Variants in SLC37A3 observed in about 807,000 individuals in gnomAD.
SLC37A3 encodes sugar phosphate exchanger 3.
A neutral mutation model predicts 67.1 loss-of-function variants in SLC37A3; 51 were observed. The ratio of observed to expected loss-of-function variants is 0.76; its 90% CI spans 0.61 to 0.96. The LOEUF (loss-of-function observed/expected upper bound fraction) is 0.96, where lower values mean the gene tolerates loss of function less well. Ranked by LOEUF, SLC37A3 falls within the 40% of genes least tolerant of loss-of-function variation. SLC37A3 has a pLI of 0.00. For synonymous variants in SLC37A3, 214 were observed against 231.4 expected, an observed-to-expected ratio of 0.92 and a Z score of 0.68; for missense variants, 508 against 603.0, an observed-to-expected ratio of 0.84 and a Z score of 1.65.
intron 1 of SLC37A3, among the ~76,000 whole-genome samples, chr7:140,389,671 T>G (rs1798648018): frequency 6.6e-6 from 1 of 152,188 alleles, no homozygotes; most frequent in Non-Finnish European, 1.5e-5. Flanking sequence ...GCGGTTACAA[T>G]AGTGCGCAAT....
intron 11 of SLC37A3, 88 bp from the exon 12 acceptor site, chr7:140,345,351 C>T (rs950919852): frequency 1.0e-5 from 10 of 955,078 alleles, no homozygotes; most frequent in East Asian, 2.5e-5. Flanking sequence ...TCTGAATCTC[C>T]GTGACCTCAC....
intron 1 of SLC37A3, among the ~76,000 whole-genome samples, chr7:140,388,195 G>C (rs1038756150): frequency 2.6e-5 from 4 of 151,778 alleles, no homozygotes; most frequent in African/African-American, 9.7e-5. Flanking sequence ...TAATTTGGGA[G>C]GTCGAGGTGG....
At chr7:140,382,245 A>G (rs1178839590) in intron 2 of SLC37A3, among the ~76,000 whole-genome samples, 193 bp downstream of exon 2, 5 of 151,996 alleles carry the variant, frequency 3.3e-5, no homozygotes. Flanking sequence ...ACTATCTTAG[A>G]CACCGCCAAA....
chr7:140,372,517 C>A (rs1797860829), intron 3 of SLC37A3, among the ~76,000 whole-genome samples: 1 of 152,180 alleles, frequency 6.6e-6, no homozygotes, highest in African/African-American at 2.4e-5. Flanking sequence ...TAGTGATCAC[C>A]ATATTGCTCA....
Position 140,335,296 on chromosome 7 carries a change from C to T in SLC37A3, c.*116G>A, listed in dbSNP as rs143648898. The T allele has an allele frequency of 1.3e-4, 212 of 1,614,088 alleles. No individual in the cohort carries two copies. The South Asian group carries it at 1.5e-3, about 12-fold the overall frequency. On this transcript the variant is annotated 3_prime_UTR_variant, in exon 15 of 15. Coordinates refer to ENST00000326232, the MANE Select transcript of SLC37A3 (RefSeq NM_207113.3). ...TCAGGTGGCTGGCAGTGTTGAGAGA[C>T]GCCTGACAATCCAAGATCAGGCTGG...
rs2117047527 is a variant in SLC37A3, at chr7:140,345,978, CAG to C, written c.1025-10_1025-9del. 6.2e-7 allele frequency: 1 copy of C among 1,606,284 alleles called. No individual in the cohort carries two copies. The highest frequency in any genetic ancestry group is 8.5e-7 in the Non-Finnish European group (1 of 1,173,114). On this transcript the variant is annotated splice_polypyrimidine_tract_variant and intron_variant, in intron 10 of 14. Transcript: ENST00000326232. ...AGCCTTGCAAAGTTCCACCTTCAAG[CAG>C]AGTGTCGAGCAATCAAAATCACTTC...
chr7:140,344,476 C>G (rs188914136), intron 12 of SLC37A3, among the ~76,000 whole-genome samples: 6 of 152,178 alleles, frequency 3.9e-5, no homozygotes, highest in Admixed American at 1.3e-4. Context: ...ATTTTTCTGG[C>G]TGGGGATGGT....
rs531813234 is a variant in SLC37A3 at position 140,382,480 on chromosome 7, A to G, written c.47T>C (p.Phe16Ser). ...GAACACTACAACATGATGATGGCTG[A>G]ACTGGGACAGCAGAGACCCTCTTTG... ...VFQRGSLLSQFSHHHVVVFLL... is the reference protein window; with the variant it reads ...VFQRGSLLSQSSHHHVVVFLL... Residue 16 changes from phenylalanine (F) to serine (S), a missense_variant, in exon 2 of 15, where the codon TTC becomes TCC. Physicochemically the swap from Phe to Ser is radical, Grantham distance 155. Transcript: ENST00000326232. 1 of 1,614,170 alleles carries G rather than the reference A, an allele frequency of 6.2e-7. No individual in the cohort carries two copies. The highest frequency in any genetic ancestry group is 8.5e-7 in the Non-Finnish European group (1 of 1,180,010).
intron 5 of SLC37A3, 38 bp downstream of exon 5, chr7:140,364,370 C>A (rs1303064396): frequency 1.3e-6 from 2 of 1,575,158 alleles, no homozygotes; most frequent in South Asian, 2.3e-5. Context: ...TTCTAAAATA[C>A]CTGACCAAAA....
intron 5 of SLC37A3, among the ~76,000 whole-genome samples, chr7:140,359,751 T>C (rs192953538): frequency 6.6e-6 from 1 of 152,268 alleles, no homozygotes; most frequent in East Asian, 1.9e-4. Context: ...CAAGACATTC[T>C]GGAATAAGTA....
intron 4 of SLC37A3, among the ~76,000 whole-genome samples, chr7:140,369,133 C>G (rs1005383068): frequency 5.9e-5 from 9 of 152,122 alleles, no homozygotes; most frequent in African/African-American, 1.2e-4. Context: ...CCAAGCACAC[C>G]GACTCGCTCA....
At chr7:140,396,901 T>G (rs886822229) in intron 1 of SLC37A3, among the ~76,000 whole-genome samples, 2 of 148,820 alleles carry the variant, frequency 1.3e-5, no homozygotes, top group African/African-American at 4.9e-5. Context: ...TTTGTTTTTT[T>G]TTTTTTGACA....
chr7:140,352,925 A>G (rs1796871972), intron 7 of SLC37A3, among the ~76,000 whole-genome samples: 1 of 152,114 alleles, frequency 6.6e-6, no homozygotes. Flanking sequence ...TGTTTCCAGA[A>G]GTCAAATCTG....
In SLC37A3 at chr7:140,352,127, G is replaced by A. The variant is rs761838573; in HGVS notation, c.638C>T (p.Ala213Val). The part of the protein sequence containing the change: ...YGYEYAFLVT[A>V]SVQFAGGIVI... ...GATCCCACCAGCAAACTGCACAGAC[G>A]CCGTCACCAGAAAGGCATACTGGAG... The change falls in exon 8 of 15, where the codon GCG (alanine) becomes GTG (valine). Residue 213 changes from alanine (A) to valine (V), a missense_variant. Ala to Val is a moderately conservative substitution (Grantham distance 64). Coordinates refer to ENST00000326232, the MANE Select transcript of SLC37A3 (RefSeq NM_207113.3). The A allele has an allele frequency of 6.3e-5, 101 of 1,612,910 alleles. No homozygotes were observed. The highest frequency in any genetic ancestry group is 8.1e-5 in the Non-Finnish European group (95 of 1,179,774).
chr7:140,334,822 G>C lies in SLC37A3; in HGVS notation c.*590C>G, dbSNP rs10244212. 0.017 allele frequency: 3,093 copies of C among 182,618 alleles called. 86 individuals are homozygous for C. Among genetic ancestry groups the C allele is most frequent in the African/African-American group, 0.068 (2,898 of 42,532 alleles). The allele number at this position is 182,618 out of a possible 1,614,324, so 11.3% of individuals were successfully genotyped here. A position where few individuals can be genotyped will look rare whatever the true frequency, so the allele number is the denominator to read the frequency against. ...CGTTTAGATCAGACACAGAGTGACT[G>C]AGCCAATCAACAGGCATGTAGTGTG... is the stretch of plus-strand genomic sequence containing the variant. On this transcript the variant is annotated 3_prime_UTR_variant, in exon 15 of 15. Coordinates refer to ENST00000326232, the MANE Select transcript of SLC37A3 (RefSeq NM_207113.3).
At chr7:140,347,436 T>G (rs6959565) in intron 10 of SLC37A3, among the ~76,000 whole-genome samples, 1 of 151,978 alleles carries the variant, frequency 6.6e-6, no homozygotes, top group Non-Finnish European at 1.5e-5. Context: ...CCTTATCAGA[T>G]AGCAGGCAGC....
chr7:140,349,684 A>G (rs925472206), intron 9 of SLC37A3, among the ~76,000 whole-genome samples: 4 of 152,232 alleles, frequency 2.6e-5, no homozygotes, highest in Admixed American at 6.5e-5. Context: ...GCCAAATCCC[A>G]ATCACGAGTG....
rs565272751 is a variant in SLC37A3, at chr7:140,339,433, G to A, written c.1327-2084C>T. 6.0e-5 allele frequency among the ~76,000 whole-genome samples: 9 copies of A among 151,254 alleles called. No homozygotes were observed. In the East Asian group the frequency reaches 9.9e-4, roughly 17 times the overall value. On this transcript the variant is annotated intron_variant, in intron 13 of 14. Transcript: ENST00000326232. ...CTGCCACCACATCCAGCTAATTTTC[G>A]TATTTTTAGTAGAGACAGGGTTTCA... is the stretch of plus-strand genomic sequence containing the variant.
chr7:140,364,134 C>T (rs940150976), intron 5 of SLC37A3, among the ~76,000 whole-genome samples: 2 of 151,962 alleles, frequency 1.3e-5, no homozygotes, highest in Admixed American at 1.3e-4. Context: ...ACCTATAGTC[C>T]CAGCTGCTCA....
Sources: allele counts gnomAD v4.1 joint callset (sites outside exome capture counted in the v4.1 genomes callset), GRCh38; gene constraint gnomAD v4.1.1; transcripts MANE v1.5; gene names NCBI Gene and HGNC (gene_info 2026-07-23, HGNC 2026-07-21).